The following COL1A2 variants were observed in gnomAD, a reference collection of about 807,000 sequenced individuals.
The protein encoded by COL1A2 is collagen type I alpha 2 chain.
Under a neutral mutation model 174.3 loss-of-function variants are expected in COL1A2, and 49 were observed. That is an observed-to-expected ratio of 0.28 (90% CI 0.22 to 0.36). The LOEUF (loss-of-function observed/expected upper bound fraction) is 0.36. COL1A2 is among the 10% of genes least tolerant of loss of function. The probability of loss-of-function intolerance (pLI) is 1.00; values close to 1 mark genes in which losing one functional copy is unlikely to be tolerated. For synonymous variants in COL1A2, 655 were observed against 606.6 expected (o/e 1.08, Z -1.17); for missense variants, 1,438 against 1,822.7 (o/e 0.79, Z 3.84).
intron 38 of COL1A2, 93 bp from the exon 39 acceptor site, chr7:94,421,806 A>G (rs1792169555): frequency 2.7e-5 from 17 of 638,338 alleles, no homozygotes; most frequent in Non-Finnish European, 3.4e-5. Context: ...TCCTGGTCAC[A>G]TGTACTGATT....
At chr7:94,421,447 C>T in intron 38 of COL1A2, 1 of 387,280 alleles carries the variant, frequency 2.6e-6, no homozygotes, top group Non-Finnish European at 4.8e-6. Flanking sequence ...CTGACTTCTT[C>T]TCTCACTGGA....
chr7:94,406,719 A>G (rs1375591829), intron 12 of COL1A2, among the ~76,000 whole-genome samples: 1 of 152,264 alleles, frequency 6.6e-6, no homozygotes, highest in African/African-American at 2.4e-5. Flanking sequence ...TACACTTTTC[A>G]ACCTCTTTCC....
chr7:94,421,762 T>G, intron 38 of COL1A2, 137 bp from the exon 39 acceptor site: 1 of 665,732 alleles, frequency 1.5e-6, no homozygotes. Flanking sequence ...TAATGCCCTA[T>G]ATGAAGCTGC....
chr7:94,420,681 G>T (rs779390362), intron 37 of COL1A2, 33 bp downstream of exon 37: 2 of 1,536,998 alleles, frequency 1.3e-6, no homozygotes, highest in African/African-American at 1.4e-5. Context: ...CCACACAGCA[G>T]CTACCCATTA....
At chr7:94,427,336 C>A in intron 48 of COL1A2, 41 bp downstream of exon 48, 1 of 1,533,564 alleles carries the variant, frequency 6.5e-7, no homozygotes, top group Non-Finnish European at 8.9e-7. Flanking sequence ...GATCACGGAC[C>A]TAAGGAATGT....
At chr7:94,407,275 T>C (rs1791822773) in intron 12 of COL1A2, among the ~76,000 whole-genome samples, 1 of 152,136 alleles carries the variant, frequency 6.6e-6, no homozygotes, top group African/African-American at 2.4e-5. Context: ...TTAAACCATA[T>C]TTCCCCTATA....
intron 51 of COL1A2, 176 bp downstream of exon 51, chr7:94,429,606 A>T (rs1403538293): frequency 4.9e-6 from 3 of 616,944 alleles, no homozygotes; most frequent in Non-Finnish European, 8.2e-6. Flanking sequence ...ATTTATTTAT[A>T]CGTATTAATT....
At position 94,418,454 on chromosome 7, in the gene COL1A2, AT is replaced by A. The variant is rs763709904; in HGVS notation, c.1972-41del. ...AACTTCATATTAATTTCGATTCAAA[AT>A]TTTGGTCAGAAAACAAAAAGTTGCT... On this transcript the variant is annotated intron_variant, in intron 32 of 51. Coordinates refer to ENST00000297268, the MANE Select transcript of COL1A2 (RefSeq NM_000089.4). 7 of 1,573,004 alleles carry A rather than the reference AT, an allele frequency of 4.5e-6. No individual in the cohort carries two copies. In the South Asian group the frequency reaches 7.8e-5, roughly 17 times the overall value.
intron 50 of COL1A2, 124 bp from the exon 51 acceptor site, chr7:94,429,064 C>T (rs946926907): frequency 1.2e-6 from 1 of 808,958 alleles, no homozygotes; most frequent in East Asian, 2.6e-5. Flanking sequence ...TACCCTTTTC[C>T]TAAGCTTGGA....
chr7:94,428,271 C>T (rs762164809), intron 49 of COL1A2, 22 bp from the exon 50 acceptor site: 6 of 1,584,118 alleles, frequency 3.8e-6, no homozygotes, highest in Non-Finnish European at 5.2e-6. Context: ...GTTTCATGAT[C>T]TGAATGTTAT....
At chr7:94,415,392 TG>T in intron 30 of COL1A2, 122 bp downstream of exon 30, 2 of 864,814 alleles carry the variant, frequency 2.3e-6, no homozygotes, top group South Asian at 2.8e-5. Context: ...TATAGTCAAA[TG>T]TAATCTGTAG....
At position 94,421,959 on chromosome 7, in the gene COL1A2, A is replaced by G. The variant is rs751913918; in HGVS notation, c.2403+7A>G. On this transcript the variant is annotated splice_region_variant and intron_variant, in intron 39 of 51. Transcript: ENST00000297268. Reference sequence around the variant, plus strand: ...TGGTCCCCCAGGACCCTCTGTAAGTAAATCACTGTAAACGTGTCTTCATTT... The same window carrying G: ...TGGTCCCCCAGGACCCTCTGTAAGTGAATCACTGTAAACGTGTCTTCATTT... 7.4e-6 allele frequency: 12 copies of G among 1,613,716 alleles called. No individual in the cohort carries two copies. In the East Asian group the frequency reaches 2.7e-4, roughly 36 times the overall value.
chr7:94,405,827 TC>T (rs1227740382), intron 11 of COL1A2, 101 bp downstream of exon 11: 1 of 983,352 alleles, frequency 1.0e-6, no homozygotes, highest in Non-Finnish European at 1.6e-6. Flanking sequence ...CACTTTCAAA[TC>T]CCTGGAGTTT....
Position 94,395,069 on chromosome 7 carries a change from T to C in COL1A2, c.38T>C (p.Leu13Pro), listed in dbSNP as rs1232932107. ...GTGGATACGCGGACTTTGTTGCTGCTTGCAGTAACCTTATGCCTAGCAACA... is the reference window on the plus strand; with the variant it reads ...GTGGATACGCGGACTTTGTTGCTGCCTGCAGTAACCTTATGCCTAGCAACA... ...SFVDTRTLLL[L>P]AVTLCLATCQ... The change falls in exon 1 of 52, where the codon CTT becomes CCT. Residue 13 changes from leucine to proline, a missense_variant. Transcript: ENST00000297268. 5.6e-6 allele frequency: 9 copies of C among 1,614,082 alleles called. No homozygotes were observed. The highest frequency in any genetic ancestry group is 7.6e-6 in the Non-Finnish European group (9 of 1,179,986).
chr7:94,426,567 C>G, intron 46 of COL1A2, 37 bp downstream of exon 46: 2 of 1,475,458 alleles, frequency 1.4e-6, no homozygotes, highest in Non-Finnish European at 1.9e-6. Flanking sequence ...ATAAACTGAT[C>G]CTGAAGGCCT....
In COL1A2 at chr7:94,427,872, A is replaced by G. The variant is rs936707370; in HGVS notation, c.3513A>G (p.Pro1171=). The change falls in exon 49 of 52, where the codon CCA becomes CCG. Residue 1171 remains proline (P), a synonymous_variant. Transcript: ENST00000297268. ...GCCGTGACTTGAGACTCAGCCACCC[A>G]GAGTGGAGCAGTGGTAGGTCAAGAT... The part of the protein sequence containing the change: ...RTCRDLRLSH[P]EWSSGYYWID... 6.8e-6 allele frequency: 11 copies of G among 1,614,038 alleles called. No individual in the cohort carries two copies. The African/African-American group carries it at 1.3e-4, about 20-fold the overall frequency.
At chr7:94,419,699 CAA>C in intron 34 of COL1A2, 148 bp downstream of exon 34, 3 of 877,364 alleles carry the variant, frequency 3.4e-6, no homozygotes, top group South Asian at 2.9e-5. Flanking sequence ...CAGCAGGAAA[CAA>C]ATGCTGTGTG....
In COL1A2 at chr7:94,429,447, T is replaced by C; in HGVS notation, c.3954+17T>C. Reference sequence around the variant, plus strand: ...GGCTGCTCTGTAAGTAATAGTGAAATATGGGAATAGCTTTGGGAAGTGGGA... The same window carrying C: ...GGCTGCTCTGTAAGTAATAGTGAAACATGGGAATAGCTTTGGGAAGTGGGA... On this transcript the variant is annotated intron_variant, in intron 51 of 51. Coordinates refer to ENST00000297268, the MANE Select transcript of COL1A2 (RefSeq NM_000089.4). 7.4e-6 allele frequency: 12 copies of C among 1,613,400 alleles called. No individual in the cohort carries two copies. The highest frequency in any genetic ancestry group is 1.3e-5 in the African/African-American group (1 of 74,968).
chr7:94,427,395 C>G lies in COL1A2; in HGVS notation c.3267+100C>G, dbSNP rs527534697. The stretch of plus-strand genomic sequence containing the variant: ...ACTTTGACAACCCATTAAAGTTAGC[C>G]CCATTTCAATATATCCTCTAAAATA... On this transcript the variant is annotated intron_variant, in intron 48 of 51. Coordinates refer to ENST00000297268, the MANE Select transcript of COL1A2 (RefSeq NM_000089.4). The G allele has an allele frequency of 4.1e-6, 5 of 1,215,814 alleles. No homozygotes were observed. In the African/African-American group the frequency reaches 7.5e-5, roughly 18 times the overall value. 75.3% of individuals were successfully genotyped at this position (1,215,814 alleles called of 1,614,324 possible). A position where few individuals can be genotyped will look rare whatever the true frequency, so the allele number is the denominator to read the frequency against.
Sources: allele counts gnomAD v4.1 joint callset (sites outside exome capture counted in the v4.1 genomes callset), GRCh38; gene constraint gnomAD v4.1.1; transcripts MANE v1.5; gene names NCBI Gene and HGNC (gene_info 2026-07-23, HGNC 2026-07-21).